PTN: variants seen among roughly 807,000 people sequenced by gnomAD.
PTN encodes heparin affin regulatory protein.
A neutral mutation model predicts 24.1 loss-of-function variants in PTN; 18 were observed. The observed-to-expected ratio is 0.75, with a 90% CI of 0.52 to 1.11. The LOEUF (loss-of-function observed/expected upper bound fraction) is 1.11, where lower values mean the gene tolerates loss of function less well. Ranked by LOEUF, PTN falls within the 50% of genes least tolerant of loss-of-function variation. The probability of loss-of-function intolerance (pLI) is 0.00; values close to 1 mark genes in which losing one functional copy is unlikely to be tolerated. For missense variants in PTN, 163 were observed against 198.8 expected (o/e 0.82, Z 1.08); for synonymous variants, 78 against 68.6 (o/e 1.14, Z -0.67).
intron 4 of PTN, among the ~76,000 whole-genome samples, chr7:137,240,052 T>A (rs189414684): frequency 1.1e-4 from 16 of 152,284 alleles, no homozygotes; most frequent in Non-Finnish European, 1.5e-4. Flanking sequence ...CAAACCAAGT[T>A]CAAAAGTTAC....
At position 137,247,136 on chromosome 7, in the gene PTN, G is replaced by A. The variant is rs150356705; in HGVS notation, c.451+4094C>T. Among the ~76,000 whole-genome samples the A allele has an allele frequency of 5.6e-3, 850 of 152,180 alleles. 8 individuals carry two copies. The highest frequency in any genetic ancestry group is 0.02 in the African/African-American group (819 of 41,510). ...AAATAATTTATAAATGCATCATTTT[G>A]AGAAAAGTTTAGTTAAATGACTACT... On this transcript the variant is annotated intron_variant, in intron 4 of 4. Coordinates refer to ENST00000348225, the MANE Select transcript of PTN (RefSeq NM_002825.7).
chr7:137,233,248 A>C (rs933248388), intron 4 of PTN, among the ~76,000 whole-genome samples: 1 of 152,062 alleles, frequency 6.6e-6, no homozygotes, highest in Non-Finnish European at 1.5e-5. Flanking sequence ...ACTAAGCCCT[A>C]ATCTAGAGAA....
Position 137,324,417 on chromosome 7 carries a change from T to TA in PTN, c.-2+19021dup, listed in dbSNP as rs1366943397. Among the ~76,000 whole-genome samples the TA allele has an allele frequency of 5.4e-4, 34 of 63,474 alleles. No homozygotes were observed. The South Asian group carries it at 0.011, about 20-fold the overall frequency. 41.6% of individuals were successfully genotyped at this position (63,474 alleles called of 152,430 possible). On this transcript the variant is annotated intron_variant, in intron 1 of 4. Coordinates refer to ENST00000348225, the MANE Select transcript of PTN (RefSeq NM_002825.7). ...GGGCAGCACAGCGAGACCCTGTCTC[T>TA]AAAAAAAAAAAAAAAAATATATATA...
chr7:137,294,421 G>A (rs960836125), intron 1 of PTN, among the ~76,000 whole-genome samples: 1 of 152,138 alleles, frequency 6.6e-6, no homozygotes, highest in Non-Finnish European at 1.5e-5. Flanking sequence ...CTTGTGCAGA[G>A]CACAATTTGC....
At chr7:137,278,961 A>G (rs56270248) in intron 1 of PTN, among the ~76,000 whole-genome samples, 3 of 125,566 alleles carry the variant, frequency 2.4e-5, no homozygotes, top group Non-Finnish European at 3.4e-5. Flanking sequence ...TAATAATAAT[A>G]ATAATAATAA....
At chr7:137,330,320 A>AAGGAGG (rs1810330985) in intron 1 of PTN, among the ~76,000 whole-genome samples, 1 of 151,896 alleles carries the variant, frequency 6.6e-6, no homozygotes, top group African/African-American at 2.4e-5. Context: ...GGAGAAAGAG[A>AAGGAGG]AGGAGGAAGA....
chr7:137,245,097 C>T (rs914654384), intron 4 of PTN, among the ~76,000 whole-genome samples: 1 of 152,120 alleles, frequency 6.6e-6, no homozygotes, highest in African/African-American at 2.4e-5. Context: ...CACACTGAAA[C>T]CAAGTGGTTT....
chr7:137,266,596 A>G lies in PTN; in HGVS notation c.-1-11622T>C, dbSNP rs188485827. On this transcript the variant is annotated intron_variant, in intron 1 of 4. Coordinates refer to ENST00000348225, the MANE Select transcript of PTN (RefSeq NM_002825.7). ...TTTCAGGACAAGAATTTACCATATA[A>G]CACTCTTTTTACATAAATTCTGCCT... 3.0e-3 allele frequency among the ~76,000 whole-genome samples: 450 copies of G among 151,770 alleles called. 2 individuals carry two copies. Among genetic ancestry groups the G allele is most frequent in the African/African-American group, 0.01 (429 of 41,448 alleles).
chr7:137,303,337 C>A (rs1370152701), intron 1 of PTN, among the ~76,000 whole-genome samples: 8 of 151,778 alleles, frequency 5.3e-5, no homozygotes, highest in Admixed American at 5.3e-4. Flanking sequence ...TCAGGTTGAA[C>A]CATTGTATTT....
At chr7:137,260,940 T>C (rs1809025901) in intron 1 of PTN, among the ~76,000 whole-genome samples, 1 of 152,196 alleles carries the variant, frequency 6.6e-6, no homozygotes, top group Non-Finnish European at 1.5e-5. Flanking sequence ...AGAAATGTTT[T>C]CCTTCATCTA....
chr7:137,304,695 T>A (rs952717242), intron 1 of PTN, among the ~76,000 whole-genome samples: 6 of 151,940 alleles, frequency 3.9e-5, no homozygotes, highest in African/African-American at 1.4e-4. Context: ...GAATTATATA[T>A]AAGGGGTTAA....
rs530710409 is a variant in PTN at position 137,300,234 on chromosome 7, T to C, written c.-2+43205A>G. Among the ~76,000 whole-genome samples the C allele has an allele frequency of 6.6e-5, 10 of 152,124 alleles. No individual in the cohort carries two copies. In the East Asian group the frequency reaches 1.9e-3, roughly 30 times the overall value. ...AATTTTGTGACCATCAGAGTGGCCT[T>C]AGGGCCTAAGGTACAGGTGGTTGAT... On this transcript the variant is annotated intron_variant, in intron 1 of 4. Coordinates refer to ENST00000348225, the MANE Select transcript of PTN (RefSeq NM_002825.7).
chr7:137,310,153 T>G (rs1809955804), intron 1 of PTN, among the ~76,000 whole-genome samples: 1 of 152,170 alleles, frequency 6.6e-6, no homozygotes, highest in Admixed American at 6.6e-5. Context: ...AGCTCTTGGG[T>G]GACCAGGTGC....
At chr7:137,281,339 A>G (rs2128876071) in intron 1 of PTN, among the ~76,000 whole-genome samples, 1 of 152,346 alleles carries the variant, frequency 6.6e-6, no homozygotes, top group Admixed American at 6.5e-5. Context: ...TAAAAGAGTA[A>G]GAAATAAGAG....
chr7:137,282,737 G>A (rs184323152), intron 1 of PTN, among the ~76,000 whole-genome samples: 1 of 152,296 alleles, frequency 6.6e-6, no homozygotes, highest in Non-Finnish European at 1.5e-5. Context: ...GTCATCTTTA[G>A]ATTAGATTTT....
At chr7:137,251,078 A>G (rs1808817584) in intron 4 of PTN, 152 bp downstream of exon 4, 3 of 887,128 alleles carry the variant, frequency 3.4e-6, no homozygotes, top group Admixed American at 2.7e-5. Context: ...AAGTATTTTT[A>G]AAGTATTTTT....
At chr7:137,265,549 C>T (rs1382265656) in intron 1 of PTN, among the ~76,000 whole-genome samples, 6 of 152,208 alleles carry the variant, frequency 3.9e-5, no homozygotes, top group Admixed American at 6.5e-5. Flanking sequence ...TGTTGGGAGA[C>T]GGAGGCTGGA....
At chr7:137,269,655 A>G (rs574700644) in intron 1 of PTN, among the ~76,000 whole-genome samples, 5 of 82,434 alleles carry the variant, frequency 6.1e-5, no homozygotes, top group Admixed American at 1.6e-4. Flanking sequence ...TTTTTTTGAG[A>G]CGGAATCTTG....
intron 4 of PTN, among the ~76,000 whole-genome samples, chr7:137,244,016 G>A (rs990322684): frequency 3.3e-5 from 5 of 152,086 alleles, no homozygotes; most frequent in South Asian, 2.1e-4. Flanking sequence ...TTTGCTTAAC[G>A]AGCTAGAGTA....
Sources: allele counts gnomAD v4.1 joint callset (sites outside exome capture counted in the v4.1 genomes callset), GRCh38; gene constraint gnomAD v4.1.1; transcripts MANE v1.5; gene names NCBI Gene and HGNC (gene_info 2026-07-23, HGNC 2026-07-21).